The following SARS1 variants were observed in gnomAD, a reference collection of about 807,000 sequenced individuals.
SARS1 encodes seryl-tRNA synthetase 1.
In SARS1, 25 loss-of-function variants were observed where a neutral mutation model predicts 63.7. The observed-to-expected ratio is 0.39, with a 90% CI of 0.29 to 0.55. The LOEUF is 0.55. SARS1 is among the 20% of genes least tolerant of loss of function. The pLI, the probability that SARS1 is intolerant of heterozygous loss-of-function variation, is 0.62. For synonymous variants in SARS1, 231 were observed against 243.5 expected, an observed-to-expected ratio of 0.95 and a Z score of 0.48; for missense variants, 417 against 649.7, an observed-to-expected ratio of 0.64 and a Z score of 3.89.
In SARS1 at chr1:109,237,109, C is replaced by A; in HGVS notation, c.1258-135C>A. ...ATAATTCAAATTTAGAAAAAAGTTG[C>A]TAAGGGGTAGAACCCATCATTTTGA... On this transcript the variant is annotated intron_variant, in intron 9 of 10. Coordinates refer to ENST00000234677, the MANE Select transcript of SARS1 (RefSeq NM_006513.4). This position sits in a 1 kb window ranked among gnomAD's most constrained non-coding sequence, Gnocchi z 4.1. 7.2e-7 allele frequency: 1 copy of A among 1,384,590 alleles called. No individual in the cohort carries two copies. The highest frequency in any genetic ancestry group is 9.8e-7 in the Non-Finnish European group (1 of 1,025,250). 85.8% of individuals were successfully genotyped at this position (1,384,590 alleles called of 1,614,324 possible).
chr1:109,233,540 G>A (rs940251542), intron 6 of SARS1, among the ~76,000 whole-genome samples: 2 of 151,508 alleles, frequency 1.3e-5, no homozygotes, highest in Admixed American at 6.6e-5. Flanking sequence ...AATGGCAGAG[G>A]GAATTATCTG....
At chr1:109,215,115 A>G (rs1392971795) in intron 1 of SARS1, 4 of 985,268 alleles carry the variant, frequency 4.1e-6, no homozygotes, top group Middle Eastern at 5.2e-4. Flanking sequence ...TCCTGTTTAT[A>G]AGGATCTTGG....
At chr1:109,229,700 G>C in intron 4 of SARS1, 128 bp downstream of exon 4, 1 of 919,420 alleles carries the variant, frequency 1.1e-6, no homozygotes. Context: ...TATTCCCTCT[G>C]CCCACCAATT....
chr1:109,230,624 T>C (rs1655188203), intron 4 of SARS1, among the ~76,000 whole-genome samples: 1 of 151,952 alleles, frequency 6.6e-6, no homozygotes, highest in African/African-American at 2.4e-5. Flanking sequence ...CTAGGTAAAA[T>C]GGCAAAACCC....
Position 109,229,431 on chromosome 1 carries a change from A to G in SARS1, c.306A>G (p.Gln102=), listed in dbSNP as rs139902476. 9.7e-5 allele frequency: 156 copies of G among 1,614,082 alleles called. No individual in the cohort carries two copies. In the African/African-American group the frequency reaches 1.9e-3, roughly 20 times the overall value. Reference sequence around the variant, plus strand: ...ATCTGCAGAACCTGAAAGTCTCACAAATCAAAAAAGTCCGACTCCTCATTG... The same window carrying G: ...ATCTGCAGAACCTGAAAGTCTCACAGATCAAAAAAGTCCGACTCCTCATTG... ...ADALANLKVS[Q]IKKVRLLIDE... The change falls in exon 4 of 11, where the codon CAA becomes CAG. Residue 102 remains glutamine, a synonymous_variant. Coordinates refer to ENST00000234677, the MANE Select transcript of SARS1 (RefSeq NM_006513.4).
Position 109,235,870 on chromosome 1 carries a change from G to A in SARS1, c.970-107G>A. 8.8e-7 allele frequency: 1 copy of A among 1,135,688 alleles called. No homozygotes were observed. Among genetic ancestry groups the A allele is most frequent in the Non-Finnish European group, 1.2e-6 (1 of 801,002 alleles). 70.4% of individuals were successfully genotyped at this position (1,135,688 alleles called of 1,614,324 possible). A position where few individuals can be genotyped will look rare whatever the true frequency, so the allele number is the denominator to read the frequency against. On this transcript the variant is annotated intron_variant, in intron 7 of 10. Coordinates refer to ENST00000234677, the MANE Select transcript of SARS1 (RefSeq NM_006513.4). This position sits in a 1 kb window ranked among gnomAD's most constrained non-coding sequence, Gnocchi z 4.7. Reference sequence around the variant, plus strand: ...AGTTGCTGGGGGCCCAGACTTGCCTGCCTCCCAGTGGTGTGGAAACAGGTC... The same window carrying A: ...AGTTGCTGGGGGCCCAGACTTGCCTACCTCCCAGTGGTGTGGAAACAGGTC...
chr1:109,214,134 T>C lies in SARS1; in HGVS notation c.136+6T>C. ...AGACAGCGAGTGGCGACGATGTAAG[T>C]ACCGGGACGGGCGGGTTACCTCCTT... On this transcript the variant is annotated splice_donor_region_variant and intron_variant, in intron 1 of 10. Coordinates refer to ENST00000234677, the MANE Select transcript of SARS1 (RefSeq NM_006513.4). The surrounding 1 kb of genome is among the most constrained non-coding windows in gnomAD (Gnocchi z 4.6). 3 of 1,613,258 alleles carry C rather than the reference T, an allele frequency of 1.9e-6. No individual in the cohort carries two copies. Among genetic ancestry groups the C allele is most frequent in the South Asian group, 2.2e-5 (2 of 91,034 alleles).
chr1:109,214,226 G>T lies in SARS1; in HGVS notation c.136+98G>T. The T allele has an allele frequency of 7.1e-7, 1 of 1,409,514 alleles. No individual in the cohort carries two copies. The highest frequency in any genetic ancestry group is 9.6e-7 in the Non-Finnish European group (1 of 1,039,636). 87.3% of individuals were successfully genotyped at this position (1,409,514 alleles called of 1,614,324 possible). ...CCTGAGGCCACAGCTTCCACCCTTC[G>T]TCAGACCCCCTCCCAGGGTGCGGTG... On this transcript the variant is annotated intron_variant, in intron 1 of 10. Transcript: ENST00000234677. This position sits in a 1 kb window ranked among gnomAD's most constrained non-coding sequence, Gnocchi z 4.6.
At chr1:109,232,253 T>G (rs1003197080) in intron 6 of SARS1, among the ~76,000 whole-genome samples, 3 of 152,296 alleles carry the variant, frequency 2.0e-5, no homozygotes, top group Admixed American at 6.5e-5. Context: ...GCTTCCAGTT[T>G]GTGGCTCCTT....
intron 4 of SARS1, 32 bp from the exon 5 acceptor site, chr1:109,230,846 T>C: frequency 6.4e-7 from 1 of 1,566,768 alleles, no homozygotes; most frequent in Admixed American, 1.8e-5. Flanking sequence ...ATCATATGTC[T>C]TGTATGTCTC....
At chr1:109,217,750 G>T (rs371874973) in intron 1 of SARS1, among the ~76,000 whole-genome samples, 1 of 151,800 alleles carries the variant, frequency 6.6e-6, no homozygotes, top group Non-Finnish European at 1.5e-5. Flanking sequence ...TGTAGAGACA[G>T]AGTCTCACTT....
intron 5 of SARS1, chr1:109,231,340 G>T (rs997117491): frequency 1.7e-5 from 5 of 286,942 alleles, no homozygotes; most frequent in African/African-American, 1.1e-4. Flanking sequence ...AAGTAACAAA[G>T]AATCAAAATC....
chr1:109,217,548 T>A (rs1260010996), intron 1 of SARS1, among the ~76,000 whole-genome samples: 1 of 149,022 alleles, frequency 6.7e-6, no homozygotes, highest in Non-Finnish European at 1.5e-5. Context: ...TATATATATA[T>A]AAATATATAT....
At chr1:109,229,625 A>C (rs988065793) in intron 4 of SARS1, 53 bp downstream of exon 4, 32 of 1,571,050 alleles carry the variant, frequency 2.0e-5, no homozygotes, top group Admixed American at 1.3e-4. Context: ...CTGTCTCTGC[A>C]GGGGCGGGGA....
At position 109,219,793 on chromosome 1, in the gene SARS1, A is replaced by G. The variant is rs187880693; in HGVS notation, c.137-4185A>G. On this transcript the variant is annotated intron_variant, in intron 1 of 10. Coordinates refer to ENST00000234677, the MANE Select transcript of SARS1 (RefSeq NM_006513.4). ...CTCCCAAAATGCTGGGATTACAGGCATGAGCCACCGCGCCCGGCATGGCTT... is the reference window on the plus strand; with the variant it reads ...CTCCCAAAATGCTGGGATTACAGGCGTGAGCCACCGCGCCCGGCATGGCTT... 7.2e-3 allele frequency among the ~76,000 whole-genome samples: 1,101 copies of G among 152,268 alleles called. 5 individuals are homozygous for G. Among genetic ancestry groups the G allele is most frequent in the Middle Eastern group, 0.017 (5 of 294 alleles).
In SARS1 at chr1:109,235,129, T is replaced by G. The variant is rs1570763793; in HGVS notation, c.748-81T>G. On this transcript the variant is annotated intron_variant, in intron 6 of 10. Coordinates refer to ENST00000234677, the MANE Select transcript of SARS1 (RefSeq NM_006513.4). This position sits in a 1 kb window ranked among gnomAD's most constrained non-coding sequence, Gnocchi z 4.7. Reference sequence around the variant, plus strand: ...AAGGAAATTTTTCCTGCACTATTATTGATCTCTTTCTTGTGGTTTCTTATT... The same window carrying G: ...AAGGAAATTTTTCCTGCACTATTATGGATCTCTTTCTTGTGGTTTCTTATT... 1.8e-6 allele frequency: 2 copies of G among 1,122,788 alleles called. No homozygotes were observed. The highest frequency in any genetic ancestry group is 2.0e-4 in the Middle Eastern group (1 of 5,020). The allele number at this position is 1,122,788 out of a possible 1,614,324, so 69.6% of individuals were successfully genotyped here.
intron 6 of SARS1, among the ~76,000 whole-genome samples, chr1:109,234,637 C>A (rs1655274079): frequency 1.3e-5 from 2 of 152,146 alleles, no homozygotes; most frequent in Non-Finnish European, 2.9e-5. Context: ...CCAGCATTGA[C>A]CATTATTCAT....
intron 2 of SARS1, among the ~76,000 whole-genome samples, chr1:109,227,917 C>CAAA (rs5776968): frequency 1.6e-5 from 2 of 121,876 alleles, no homozygotes; most frequent in African/African-American, 6.5e-5. Flanking sequence ...GAGACTCCGT[C>CAAA]AAAAAAAAAA....
intron 6 of SARS1, among the ~76,000 whole-genome samples, chr1:109,234,025 A>G (rs1257853377): frequency 6.6e-6 from 1 of 150,614 alleles, no homozygotes; most frequent in Non-Finnish European, 1.5e-5. Context: ...ATCCACCACC[A>G]TGCCCGACTA....
Sources: gnomAD v4.1 joint callset for allele counts (sites outside exome capture counted in the v4.1 genomes callset) on GRCh38, gnomAD v4.1.1 for gene constraint, Gnocchi (gnomAD v3.1) non-coding constraint, MANE v1.5 for transcripts, NCBI Gene and HGNC (gene_info 2026-07-23, HGNC 2026-07-21) for gene names.